The following WDR70 variants were observed in gnomAD, a reference collection of about 807,000 sequenced individuals.
WDR70 encodes the protein WD repeat domain 70.
Under a neutral mutation model 88.6 loss-of-function variants are expected in WDR70, and 53 were observed. That is an observed-to-expected ratio of 0.60 (90% confidence interval 0.48 to 0.75). The LOEUF (loss-of-function observed/expected upper bound fraction) is 0.75. Among genes scored for constraint, WDR70 ranks in the 30% least tolerant of loss-of-function variants. The probability of loss-of-function intolerance (pLI) is 0.00; values close to 1 mark genes in which losing one functional copy is unlikely to be tolerated. For synonymous variants in WDR70, 280 were observed against 270.0 expected (o/e 1.04, Z -0.36); for missense variants, 610 against 823.2 (o/e 0.74, Z 3.17).
At chr5:37,725,619 A>G (rs1477506845) in intron 16 of WDR70, among the ~76,000 whole-genome samples, 7 of 152,086 alleles carry the variant, frequency 4.6e-5, no homozygotes, top group Non-Finnish European at 1.0e-4. Flanking sequence ...TGTAGTTTCT[A>G]TTTGGTCTGC....
At chr5:37,532,154 T>C (rs1200432258) in intron 9 of WDR70, among the ~76,000 whole-genome samples, 1 of 152,224 alleles carries the variant, frequency 6.6e-6, no homozygotes, top group African/African-American at 2.4e-5. Flanking sequence ...TTTTCCTTTA[T>C]AGGTTACCTG....
chr5:37,730,980 G>A (rs1283445105), intron 17 of WDR70, among the ~76,000 whole-genome samples: 1 of 152,116 alleles, frequency 6.6e-6, no homozygotes, highest in African/African-American at 2.4e-5. Flanking sequence ...ATCAGTAGGG[G>A]AGTAGAGATG....
At chr5:37,709,148 CT>C (rs1406251027) in intron 13 of WDR70, among the ~76,000 whole-genome samples, 1 of 152,130 alleles carries the variant, frequency 6.6e-6, no homozygotes, top group African/African-American at 2.4e-5. Flanking sequence ...ATTTGTCTGC[CT>C]TCTAAAATAT....
At chr5:37,660,345 G>C (rs1745667550) in intron 10 of WDR70, among the ~76,000 whole-genome samples, 1 of 152,026 alleles carries the variant, frequency 6.6e-6, no homozygotes, top group Non-Finnish European at 1.5e-5. Flanking sequence ...TGTTGATCAT[G>C]TCAGCCTATA....
intron 5 of WDR70, among the ~76,000 whole-genome samples, chr5:37,423,339 G>A (rs186052024): frequency 2.1e-3 from 307 of 149,752 alleles, no homozygotes; most frequent in African/African-American, 7.0e-3. Flanking sequence ...AGTGTTCATG[G>A]CCAGTATAAT....
At chr5:37,418,477 G>A (rs957413087) in intron 5 of WDR70, among the ~76,000 whole-genome samples, 1 of 151,892 alleles carries the variant, frequency 6.6e-6, no homozygotes. Flanking sequence ...CCGCCACCAC[G>A]CCTGGCTAAT....
At chr5:37,667,968 AT>A (rs1745912369) in intron 10 of WDR70, among the ~76,000 whole-genome samples, 1 of 150,846 alleles carries the variant, frequency 6.6e-6, no homozygotes, top group Non-Finnish European at 1.5e-5. Flanking sequence ...ACTCATGTTT[AT>A]TGTGAATCTT....
chr5:37,519,162 T>C (rs1740991746), intron 9 of WDR70, among the ~76,000 whole-genome samples: 1 of 152,338 alleles, frequency 6.6e-6, no homozygotes, highest in Non-Finnish European at 1.5e-5. Context: ...TCGACAAAAC[T>C]GCCATCGTCA....
chr5:37,392,241 T>A, intron 4 of WDR70, 121 bp downstream of exon 4: 1 of 1,137,140 alleles, frequency 8.8e-7, no homozygotes, highest in Non-Finnish European at 1.2e-6. Context: ...TGCAGTGCAG[T>A]GGCGTGATCT....
chr5:37,402,328 T>TGTGTGTG (rs60585321), intron 5 of WDR70, among the ~76,000 whole-genome samples: 1 of 149,008 alleles, frequency 6.7e-6, no homozygotes, highest in Admixed American at 6.7e-5. Flanking sequence ...TGTGTGTGTG[T>TGTGTGTG]TTTAAATTTT....
intron 10 of WDR70, among the ~76,000 whole-genome samples, chr5:37,683,346 C>A (rs2112621731): frequency 6.6e-6 from 1 of 152,214 alleles, no homozygotes; most frequent in African/African-American, 2.4e-5. Context: ...TATTTACATT[C>A]AAGATTAGTA....
At chr5:37,739,002 T>C (rs938773062) in intron 17 of WDR70, among the ~76,000 whole-genome samples, 1 of 152,252 alleles carries the variant, frequency 6.6e-6, no homozygotes, top group Non-Finnish European at 1.5e-5. Context: ...AATGACCACG[T>C]TGATGTCTAA....
intron 10 of WDR70, among the ~76,000 whole-genome samples, chr5:37,629,509 A>G: frequency 6.6e-6 from 1 of 152,162 alleles, no homozygotes. Context: ...ATTTCAAAAG[A>G]TCTATCTTCA....
At chr5:37,506,309 G>A in intron 8 of WDR70, 1 of 925,554 alleles carries the variant, frequency 1.1e-6, no homozygotes, top group South Asian at 1.3e-5. Context: ...CCACTTCTAG[G>A]TGTTCAATCA....
At chr5:37,505,966 G>C (rs1740547175) in intron 8 of WDR70, 1 of 1,580,644 alleles carries the variant, frequency 6.3e-7, no homozygotes, top group Admixed American at 1.7e-5. Flanking sequence ...AGACCAGAAA[G>C]ATCCTCAAAA....
intron 9 of WDR70, among the ~76,000 whole-genome samples, chr5:37,539,339 G>A (rs953323095): frequency 1.3e-5 from 2 of 152,106 alleles, no homozygotes; most frequent in Non-Finnish European, 2.9e-5. Flanking sequence ...AGAGTATGAG[G>A]CTATGAATGT....
Position 37,724,916 on chromosome 5 carries a change from A to G in WDR70, c.1598-18A>G. 1 of 1,609,924 alleles carries G rather than the reference A, an allele frequency of 6.2e-7. No individual in the cohort carries two copies. On this transcript the variant is annotated intron_variant, in intron 15 of 17. Coordinates refer to ENST00000265107, the MANE Select transcript of WDR70 (RefSeq NM_018034.4). ...GGTTATTGTTATAATGAAATTTTTCAAATGTGACTTCTTGTAGCTCATGCC... is the reference window on the plus strand; with the variant it reads ...GGTTATTGTTATAATGAAATTTTTCGAATGTGACTTCTTGTAGCTCATGCC...
At chr5:37,719,357 C>G (rs1309957322) in intron 13 of WDR70, among the ~76,000 whole-genome samples, 1 of 145,938 alleles carries the variant, frequency 6.9e-6, no homozygotes, top group East Asian at 2.0e-4. Context: ...CAACCCCCCC[C>G]CCAAAAAATA....
intron 9 of WDR70, among the ~76,000 whole-genome samples, chr5:37,523,829 G>C (rs145456529): frequency 6.6e-6 from 1 of 152,170 alleles, no homozygotes; most frequent in Non-Finnish European, 1.5e-5. Flanking sequence ...ACTATGCGAC[G>C]CATGCACAAG....
Sources: gnomAD v4.1 joint callset for allele counts (sites outside exome capture counted in the v4.1 genomes callset) on GRCh38, gnomAD v4.1.1 for gene constraint, MANE v1.5 for transcripts, NCBI Gene and HGNC (gene_info 2026-07-23, HGNC 2026-07-21) for gene names.